NEDD4L: variants seen among roughly 807,000 people sequenced by gnomAD.
NEDD4L encodes NEDD4 like E3 ubiquitin protein ligase.
NEDD4L carries 54 observed loss-of-function variants against 148.9 expected under a neutral mutation model. The observed-to-expected ratio is 0.36, with a 90% CI of 0.29 to 0.45. The LOEUF is 0.45. Ranked by LOEUF, NEDD4L falls within the 20% of genes least tolerant of loss-of-function variation. The probability of loss-of-function intolerance (pLI) is 1.00; values close to 1 mark genes in which losing one functional copy is unlikely to be tolerated. For missense variants in NEDD4L, 856 were observed against 1,233.8 expected, an observed-to-expected ratio of 0.69 and a Z score of 4.59; for synonymous variants, 433 against 440.7, an observed-to-expected ratio of 0.98 and a Z score of 0.22.
chr18:58,182,245 G>A (rs796713026), intron 2 of NEDD4L, among the ~76,000 whole-genome samples: 3 of 152,174 alleles, frequency 2.0e-5, no homozygotes, highest in African/African-American at 4.8e-5. Context: ...AGGAAAATGC[G>A]GGGCGGGGGG....
chr18:58,307,700 C>T (rs1268944009), intron 5 of NEDD4L, among the ~76,000 whole-genome samples: 11 of 152,036 alleles, frequency 7.2e-5, no homozygotes, highest in Admixed American at 2.0e-4. Context: ...TTCAGATGCC[C>T]GGAGATATGT....
chr18:58,306,770 C>G (rs1433786499), intron 5 of NEDD4L, among the ~76,000 whole-genome samples: 1 of 152,096 alleles, frequency 6.6e-6, no homozygotes, highest in Non-Finnish European at 1.5e-5. Flanking sequence ...AGATTACAGG[C>G]AACCGCCACC....
intron 1 of NEDD4L, 61 bp downstream of exon 1, chr18:58,044,769 G>C (rs534911431): frequency 3.2e-5 from 51 of 1,580,964 alleles, no homozygotes; most frequent in East Asian, 2.9e-4. Context: ...GCGCCGGCAG[G>C]GGGAGGGGAA....
chr18:58,156,176 C>G (rs1248543949), intron 1 of NEDD4L, among the ~76,000 whole-genome samples: 1 of 152,204 alleles, frequency 6.6e-6, no homozygotes, highest in Non-Finnish European at 1.5e-5. Flanking sequence ...AGTCCAGCGA[C>G]CAGCCCATCG....
At chr18:58,136,401 A>G (rs935388081) in intron 1 of NEDD4L, among the ~76,000 whole-genome samples, 3 of 152,218 alleles carry the variant, frequency 2.0e-5, no homozygotes, top group Non-Finnish European at 4.4e-5. Flanking sequence ...TTTGTTTTCA[A>G]AGTGCCTTCT....
rs73452634 is a variant in NEDD4L at position 58,210,848 on chromosome 18, T to C, written c.123-34579T>C. Among the ~76,000 whole-genome samples, 957 of 152,308 alleles carry C rather than the reference T, an allele frequency of 6.3e-3. 8 individuals are homozygous for C. The highest frequency in any genetic ancestry group is 0.02 in the African/African-American group (829 of 41,568). On this transcript the variant is annotated intron_variant, in intron 2 of 30. Coordinates refer to ENST00000400345, the MANE Select transcript of NEDD4L (RefSeq NM_001144967.3). ...AAATGTAGAAATTTAAAATAATTTA[T>C]TAACAAATAGACTCTTGGGTGCATC...
chr18:58,336,264 T>G (rs1357160375), intron 13 of NEDD4L, among the ~76,000 whole-genome samples: 1 of 152,196 alleles, frequency 6.6e-6, no homozygotes, highest in Admixed American at 6.5e-5. Context: ...AGTTTATGCT[T>G]CGCACTGCAA....
intron 1 of NEDD4L, among the ~76,000 whole-genome samples, chr18:58,089,447 T>C (rs2083944094): frequency 6.6e-6 from 1 of 152,146 alleles, no homozygotes; most frequent in Non-Finnish European, 1.5e-5. Flanking sequence ...ATTTCATAAT[T>C]CTATCTTTCC....
chr18:58,108,013 C>A (rs2085177348), intron 1 of NEDD4L, among the ~76,000 whole-genome samples: 1 of 152,148 alleles, frequency 6.6e-6, no homozygotes, highest in Non-Finnish European at 1.5e-5. Context: ...AGCCACTGCA[C>A]CCAGCTGGAA....
chr18:58,146,555 C>A (rs550749896), intron 1 of NEDD4L, among the ~76,000 whole-genome samples: 2 of 152,244 alleles, frequency 1.3e-5, no homozygotes, highest in South Asian at 4.1e-4. Context: ...GGTGGAAAGT[C>A]CCAGAGTAGG....
rs545610404 is a variant in NEDD4L, at chr18:58,073,726, G to T, written c.48+29018G>T. On this transcript the variant is annotated intron_variant, in intron 1 of 30. Coordinates refer to ENST00000400345, the MANE Select transcript of NEDD4L (RefSeq NM_001144967.3). ...GAGGGGAGAATAGGGTGTGATGGTAGTGGGTATAGAGTTTCCTTTGGGATG... is the reference window on the plus strand; with the variant it reads ...GAGGGGAGAATAGGGTGTGATGGTATTGGGTATAGAGTTTCCTTTGGGATG... Among the ~76,000 whole-genome samples, 8 of 152,268 alleles carry T rather than the reference G, an allele frequency of 5.3e-5. No homozygotes were observed. In the South Asian group the frequency reaches 1.0e-3, roughly 20 times the overall value.
chr18:58,385,649 C>T lies in NEDD4L; in HGVS notation c.2487+63C>T, dbSNP rs17064941. ...CTGGTCCCGGGTCGATGGGGGATCG[C>T]GCTTCTCCTTTAGCTAGTGTGGTGG... On this transcript the variant is annotated intron_variant, in intron 26 of 30. Transcript: ENST00000400345. The T allele has an allele frequency of 2.8e-3, 3,785 of 1,339,280 alleles. 81 individuals carry two copies. The African/African-American group carries it at 0.047, about 17-fold the overall frequency. 83.0% of individuals were successfully genotyped at this position (1,339,280 alleles called of 1,614,324 possible).
intron 5 of NEDD4L, among the ~76,000 whole-genome samples, chr18:58,261,361 A>C (rs1378344812): frequency 6.6e-6 from 1 of 152,206 alleles, no homozygotes; most frequent in African/African-American, 2.4e-5. Flanking sequence ...GGTTGAGTCT[A>C]CTGTTACTTT....
rs200371425 is a variant in NEDD4L, at chr18:58,161,601, A to AT, written c.49-4180dup. Among the ~76,000 whole-genome samples, 1,330 of 152,146 alleles carry AT rather than the reference A, an allele frequency of 8.7e-3. 13 individuals are homozygous for AT. Among genetic ancestry groups the AT allele is most frequent in the African/African-American group, 0.03 (1,260 of 41,510 alleles). ...TTTTCTATGCAGCTATATCATTGAC[A>AT]TTTTTTTAAAAATGAGATTACATTG... On this transcript the variant is annotated intron_variant, in intron 1 of 30. Transcript: ENST00000400345.
chr18:58,261,970 T>A (rs2049447384), intron 5 of NEDD4L, among the ~76,000 whole-genome samples: 1 of 152,212 alleles, frequency 6.6e-6, no homozygotes, highest in African/African-American at 2.4e-5. Context: ...ACATTTCCTC[T>A]GTAAATGTCA....
chr18:58,155,394 AT>A (rs2035357636), intron 1 of NEDD4L, among the ~76,000 whole-genome samples: 1 of 152,162 alleles, frequency 6.6e-6, no homozygotes. Context: ...ACTGGAAAAA[AT>A]AATTTCACAA....
intron 24 of NEDD4L, among the ~76,000 whole-genome samples, chr18:58,377,756 T>G (rs1441464094): frequency 1.3e-5 from 2 of 152,068 alleles, no homozygotes; most frequent in African/African-American, 4.8e-5. Flanking sequence ...TGTTTGTTTG[T>G]TTTTTGAGAC....
chr18:58,131,034 C>G (rs1211421374), intron 1 of NEDD4L, among the ~76,000 whole-genome samples: 1 of 120,892 alleles, frequency 8.3e-6, no homozygotes, highest in Non-Finnish European at 1.7e-5. Flanking sequence ...GTGTTGGGCT[C>G]TGTTGGGGTT....
chr18:58,194,826 C>T lies in NEDD4L; in HGVS notation c.122+28965C>T, dbSNP rs117698862. Among the ~76,000 whole-genome samples the T allele has an allele frequency of 5.9e-3, 897 of 152,208 alleles. 4 individuals carry two copies. The highest frequency in any genetic ancestry group is 7.4e-3 in the African/African-American group (309 of 41,536). On this transcript the variant is annotated intron_variant, in intron 2 of 30. Coordinates refer to ENST00000400345, the MANE Select transcript of NEDD4L (RefSeq NM_001144967.3). ...ATTTCGGATAATACTTTTAGAGCCACGGGGAACTGTGAAAGACAAGAAAAT... is the reference window on the plus strand; with the variant it reads ...ATTTCGGATAATACTTTTAGAGCCATGGGGAACTGTGAAAGACAAGAAAAT...
Sources: gnomAD v4.1 joint callset for allele counts (sites outside exome capture counted in the v4.1 genomes callset) on GRCh38, gnomAD v4.1.1 for gene constraint, MANE v1.5 for transcripts, NCBI Gene and HGNC (gene_info 2026-07-23, HGNC 2026-07-21) for gene names.